CPEB1: variants seen among roughly 807,000 people sequenced by gnomAD.
The protein encoded by CPEB1 is cytoplasmic polyadenylation element-binding protein 1.
CPEB1 carries 7 observed loss-of-function variants against 65.8 expected under a neutral mutation model. That is an observed-to-expected ratio of 0.11 (90% CI 0.06 to 0.20). The LOEUF (loss-of-function observed/expected upper bound fraction) is 0.20. Among genes scored for constraint, CPEB1 ranks in the 10% least tolerant of loss-of-function variants. CPEB1 has a pLI of 1.00. For synonymous variants in CPEB1, 262 were observed against 260.0 expected (o/e 1.01, Z -0.08); for missense variants, 551 against 712.2 (o/e 0.77, Z 2.58).
intron 3 of CPEB1, among the ~76,000 whole-genome samples, chr15:82,598,175 C>A (rs1041103201): frequency 1.3e-5 from 2 of 152,202 alleles, no homozygotes; most frequent in African/African-American, 4.8e-5. Context: ...TCAGGCATTT[C>A]AAAAACAAAT....
intron 2 of CPEB1, among the ~76,000 whole-genome samples, chr15:82,627,599 A>G (rs2045880061): frequency 6.6e-6 from 1 of 152,220 alleles, no homozygotes; most frequent in Non-Finnish European, 1.5e-5. Context: ...ATTAAGGAAG[A>G]GAATCAAGCA....
chr15:82,572,316 T>C (rs772665285), intron 3 of CPEB1, among the ~76,000 whole-genome samples: 17 of 152,126 alleles, frequency 1.1e-4, no homozygotes, highest in Non-Finnish European at 1.8e-4. Flanking sequence ...TACTGTACAC[T>C]TGGACCCTGG....
At chr15:82,629,603 G>T (rs2046071586) in intron 1 of CPEB1, 1 of 985,234 alleles carries the variant, frequency 1.0e-6, no homozygotes, top group African/African-American at 1.7e-5. Flanking sequence ...CACAGCCAAT[G>T]CCCAACATAA....
chr15:82,598,305 C>T, intron 3 of CPEB1, among the ~76,000 whole-genome samples: 1 of 151,552 alleles, frequency 6.6e-6, no homozygotes, highest in Non-Finnish European at 1.5e-5. Context: ...ACTAGCCTGG[C>T]CAACATGGTG....
intron 3 of CPEB1, among the ~76,000 whole-genome samples, chr15:82,584,430 C>A (rs2041585702): frequency 6.6e-6 from 1 of 152,012 alleles, no homozygotes; most frequent in Non-Finnish European, 1.5e-5. Context: ...GTAATCCCAG[C>A]ACTTTGGGAG....
upstream of CPEB1, chr15:82,647,965 G>C (rs973924150): frequency 4.0e-6 from 4 of 1,007,684 alleles, no homozygotes; most frequent in African/African-American, 6.7e-5. Flanking sequence ...GCAGCGGGCC[G>C]CGCGCAGCCC....
intron 3 of CPEB1, among the ~76,000 whole-genome samples, chr15:82,597,356 G>A (rs989885042): frequency 5.3e-5 from 8 of 152,212 alleles, no homozygotes; most frequent in South Asian, 2.1e-4. Flanking sequence ...TAGGTGCACC[G>A]GCCCAGTTGG....
At chr15:82,623,497 G>C (rs1292343571) in intron 3 of CPEB1, among the ~76,000 whole-genome samples, 1 of 152,132 alleles carries the variant, frequency 6.6e-6, no homozygotes, top group Non-Finnish European at 1.5e-5. Flanking sequence ...GGCCAATGTG[G>C]TGAAACCCCC....
At position 82,552,546 on chromosome 15, in the gene CPEB1, C is replaced by T. The variant is rs1482170061; in HGVS notation, c.1215G>A (p.Pro405=). ...RSLLQACSHD[P]LSPDGLSEYY... is the part of the protein sequence containing the mutation. ...ATTCACTCAGGCCATCTGGGCTCAG[C>T]GGGTCATGAGAGCAAGCCTGAAGCA... Residue 405 remains proline (P), a synonymous_variant, in exon 9 of 13, where the codon CCG becomes CCA. Coordinates refer to ENST00000684509, the MANE Select transcript of CPEB1 (RefSeq NM_001365242.1). 5 of 1,610,802 alleles carry T rather than the reference C, an allele frequency of 3.1e-6. No homozygotes were observed. The South Asian group carries it at 3.3e-5, about 11-fold the overall frequency.
At chr15:82,639,417 T>A (rs940690803) in intron 1 of CPEB1, among the ~76,000 whole-genome samples, 58 of 152,258 alleles carry the variant, frequency 3.8e-4, no homozygotes, top group Non-Finnish European at 3.1e-4. Context: ...GCTTCTGTTG[T>A]TACCAGTTAG....
intron 4 of CPEB1, among the ~76,000 whole-genome samples, chr15:82,568,401 G>GA (rs1414810120): frequency 6.6e-6 from 1 of 152,128 alleles, no homozygotes; most frequent in Non-Finnish European, 1.5e-5. Flanking sequence ...TGGGGTATGA[G>GA]AAAAACGCAC....
chr15:82,608,655 G>C (rs1166948321), intron 3 of CPEB1, among the ~76,000 whole-genome samples: 1 of 152,160 alleles, frequency 6.6e-6, no homozygotes, highest in Non-Finnish European at 1.5e-5. Context: ...CCAGAGTTCT[G>C]ACAAAGTTTA....
intron 3 of CPEB1, among the ~76,000 whole-genome samples, chr15:82,610,599 C>A (rs976227784): frequency 6.6e-6 from 1 of 151,960 alleles, no homozygotes; most frequent in Admixed American, 6.6e-5. Flanking sequence ...TGGACACAGA[C>A]AAGTATTTGA....
At chr15:82,592,328 C>T (rs1470031403) in intron 3 of CPEB1, among the ~76,000 whole-genome samples, 1 of 152,084 alleles carries the variant, frequency 6.6e-6, no homozygotes, top group African/African-American at 2.4e-5. Context: ...TGGCTCACGC[C>T]TGTATTCCTA....
intron 3 of CPEB1, among the ~76,000 whole-genome samples, chr15:82,594,581 G>C (rs2151163914): frequency 6.6e-6 from 1 of 152,270 alleles, no homozygotes; most frequent in Non-Finnish European, 1.5e-5. Context: ...AGCCTGTCTT[G>C]CTTTCTTATC....
intron 1 of CPEB1, chr15:82,629,241 T>G: frequency 2.0e-6 from 2 of 984,452 alleles, no homozygotes. Context: ...TGATGACATA[T>G]GTAAAGCATT....
At chr15:82,579,870 C>T (rs2041071188) in intron 3 of CPEB1, among the ~76,000 whole-genome samples, 1 of 124,182 alleles carries the variant, frequency 8.1e-6, no homozygotes. Flanking sequence ...CGACATTGCG[C>T]CACTGCAGTC....
chr15:82,554,662 A>G (rs191393015), intron 6 of CPEB1, among the ~76,000 whole-genome samples: 1 of 152,356 alleles, frequency 6.6e-6, no homozygotes, highest in African/African-American at 2.4e-5. Flanking sequence ...CAAATCAGAG[A>G]CTGACCTTAG....
chr15:82,591,544 G>A (rs2042250923), intron 3 of CPEB1, among the ~76,000 whole-genome samples: 1 of 152,070 alleles, frequency 6.6e-6, no homozygotes. Flanking sequence ...TGGGATTGTA[G>A]GCATGAGTCA....
Sources: gnomAD v4.1 joint callset for allele counts (sites outside exome capture counted in the v4.1 genomes callset) on GRCh38, gnomAD v4.1.1 for gene constraint, MANE v1.5 for transcripts, NCBI Gene and HGNC (gene_info 2026-07-23, HGNC 2026-07-21) for gene names.